Variants in ROCK2 observed in about 807,000 individuals in gnomAD.
ROCK2 encodes the protein Rho associated coiled-coil containing protein kinase 2, also known as rho-associated protein kinase 2.
In ROCK2, 61 loss-of-function variants were observed where a neutral mutation model predicts 195.1. The ratio of observed to expected loss-of-function variants is 0.31; its 90% CI spans 0.25 to 0.39. ROCK2 has a LOEUF of 0.39. ROCK2 is among the 10% of genes least tolerant of loss of function. The pLI, the probability that ROCK2 is intolerant of heterozygous loss-of-function variation, is 1.00. For missense variants in ROCK2, 1,109 were observed against 1,637.4 expected, an observed-to-expected ratio of 0.68 and a Z score of 5.57; for synonymous variants, 504 against 545.5, an observed-to-expected ratio of 0.92 and a Z score of 1.06.
intron 13 of ROCK2, 47 bp from the exon 14 acceptor site, chr2:11,215,692 G>A: frequency 6.7e-7 from 1 of 1,491,066 alleles, no homozygotes; most frequent in East Asian, 2.3e-5. Context: ...GTATAAAAAT[G>A]AAATCAAAAC....
intron 6 of ROCK2, 59 bp downstream of exon 6, chr2:11,227,195 G>T: frequency 1.4e-6 from 2 of 1,428,958 alleles, no homozygotes; most frequent in South Asian, 1.3e-5. Flanking sequence ...TCAAATTCTT[G>T]ACTGAAATAA....
Position 11,221,207 on chromosome 2 carries a change from C to T in ROCK2, c.1250G>A (p.Arg417Lys). Residue 417 changes from arginine to lysine, a missense_variant, in exon 9 of 33, where the codon AGA becomes AAA. This residue lies in a region of ROCK2 where 542 missense variants were observed against 672.0 expected (regional missense o/e 0.81). Coordinates refer to ENST00000315872, the MANE Select transcript of ROCK2 (RefSeq NM_004850.5). ...QLPFIGFTYYRENLLLSDSPS... is the reference protein window; with the variant it reads ...QLPFIGFTYYKENLLLSDSPS... ...ATAATAAACCACATACAAATTTTCT[C>T]TATAGTAGGTAAATCCGATGAAAGG... 1 of 1,561,190 alleles carries T rather than the reference C, an allele frequency of 6.4e-7. No individual in the cohort carries two copies.
chr2:11,188,351 C>T (rs1446375116), intron 32 of ROCK2, among the ~76,000 whole-genome samples: 1 of 151,992 alleles, frequency 6.6e-6, no homozygotes, highest in Admixed American at 6.6e-5. Context: ...CTCAGGTGAT[C>T]CACCTGCCTT....
intron 5 of ROCK2, among the ~76,000 whole-genome samples, chr2:11,233,597 A>T (rs1347905858): frequency 6.6e-6 from 1 of 152,126 alleles, no homozygotes; most frequent in Non-Finnish European, 1.5e-5. Flanking sequence ...CTAGAAATCG[A>T]ACATCCAAGG....
At chr2:11,220,895 C>T (rs1354062354) in intron 9 of ROCK2, among the ~76,000 whole-genome samples, 4 of 152,128 alleles carry the variant, frequency 2.6e-5, no homozygotes, top group Admixed American at 6.5e-5. Context: ...CACATTTTAC[C>T]CTTCTTTATG....
chr2:11,285,335 A>C (rs1040364790), intron 3 of ROCK2, among the ~76,000 whole-genome samples: 15 of 151,810 alleles, frequency 9.9e-5, no homozygotes, highest in African/African-American at 3.6e-4. Flanking sequence ...TCTCTGTCCC[A>C]TGTACCATCC....
At chr2:11,200,318 C>A (rs1663806498) in intron 23 of ROCK2, among the ~76,000 whole-genome samples, 1 of 152,086 alleles carries the variant, frequency 6.6e-6, no homozygotes, top group African/African-American at 2.4e-5. Flanking sequence ...TTTTCATAGT[C>A]CTTAAGATAG....
chr2:11,192,123 TC>T lies in ROCK2; in HGVS notation c.4163+24del. 2 of 1,472,276 alleles carry T rather than the reference TC, an allele frequency of 1.4e-6. No homozygotes were observed. 91.2% of individuals were successfully genotyped at this position (1,472,276 alleles called of 1,614,324 possible). ...AATATTTTAATAGACTTTTTTTTTTTCCTTACCACATTTTAGTTTATTACCT... is the reference window on the plus strand; with the variant it reads ...AATATTTTAATAGACTTTTTTTTTTTCTTACCACATTTTAGTTTATTACCT... On this transcript the variant is annotated intron_variant, in intron 32 of 32. Transcript: ENST00000315872. The surrounding 1 kb of genome is among the most constrained non-coding windows in gnomAD (Gnocchi z 5.0).
chr2:11,195,590 C>CTGCAA (rs1398956589), intron 27 of ROCK2, among the ~76,000 whole-genome samples: 2 of 152,190 alleles, frequency 1.3e-5, no homozygotes, highest in Non-Finnish European at 2.9e-5. Context: ...TCTTGGCTCA[C>CTGCAA]TGCAGGCTGT....
At chr2:11,212,705 A>T (rs559552776) in intron 17 of ROCK2, among the ~76,000 whole-genome samples, 20 of 152,248 alleles carry the variant, frequency 1.3e-4, no homozygotes, top group African/African-American at 3.8e-4. Context: ...CATACAAAAA[A>T]TGATTTCTCA....
intron 3 of ROCK2, among the ~76,000 whole-genome samples, chr2:11,274,856 G>A (rs376690913): frequency 3.3e-5 from 5 of 152,194 alleles, no homozygotes; most frequent in African/African-American, 1.2e-4. Context: ...GTGGTTACCT[G>A]AAACCATGGA....
intron 3 of ROCK2, among the ~76,000 whole-genome samples, chr2:11,282,077 G>T (rs993189485): frequency 5.3e-5 from 8 of 152,204 alleles, no homozygotes; most frequent in African/African-American, 1.9e-4. Context: ...ACAGTCAGGT[G>T]CAGTGGCTCG....
chr2:11,197,361 T>A lies in ROCK2; in HGVS notation c.3280-13A>T. On this transcript the variant is annotated splice_polypyrimidine_tract_variant and intron_variant, in intron 26 of 32. Coordinates refer to ENST00000315872, the MANE Select transcript of ROCK2 (RefSeq NM_004850.5). This position sits in a 1 kb window ranked among gnomAD's most constrained non-coding sequence, Gnocchi z 4.9. ...CTTCAGCTATTTGCTATAAGAAATT[T>A]AATTACAATAAGTTAATTGGATGCA... 6.2e-7 allele frequency: 1 copy of A among 1,607,132 alleles called. No individual in the cohort carries two copies. The highest frequency in any genetic ancestry group is 8.5e-7 in the Non-Finnish European group (1 of 1,176,492).
chr2:11,268,814 T>C (rs1353943874), intron 3 of ROCK2, among the ~76,000 whole-genome samples: 1 of 152,224 alleles, frequency 6.6e-6, no homozygotes, highest in African/African-American at 2.4e-5. Context: ...TGGATATTCA[T>C]GGCTTTCATC....
chr2:11,281,804 A>G (rs1667012301), intron 3 of ROCK2, among the ~76,000 whole-genome samples: 1 of 152,200 alleles, frequency 6.6e-6, no homozygotes, highest in Admixed American at 6.5e-5. Flanking sequence ...CTAAACATGT[A>G]TAAGATCTAT....
At chr2:11,214,293 TAA>T in intron 17 of ROCK2, 62 bp downstream of exon 17, 1 of 898,512 alleles carries the variant, frequency 1.1e-6, no homozygotes, top group East Asian at 2.4e-5. Context: ...TAGTTTAGAA[TAA>T]CTTTTCTAAC....
chr2:11,223,587 G>A (rs1016351354), intron 7 of ROCK2, among the ~76,000 whole-genome samples: 1 of 152,092 alleles, frequency 6.6e-6, no homozygotes, highest in Non-Finnish European at 1.5e-5. Flanking sequence ...CTGTTTTATG[G>A]ATGAGTAAAA....
intron 3 of ROCK2, among the ~76,000 whole-genome samples, chr2:11,256,880 T>C (rs1666054575): frequency 6.6e-6 from 1 of 151,228 alleles, no homozygotes; most frequent in Admixed American, 6.6e-5. Context: ...ATACCTTCAG[T>C]TGGAAATATT....
chr2:11,344,828 C>A (rs537551262), upstream of ROCK2, among the ~76,000 whole-genome samples: 630 of 150,958 alleles, frequency 4.2e-3, 3 homozygotes, highest in African/African-American at 0.014. This position sits in a 1 kb window ranked among gnomAD's most constrained non-coding sequence, Gnocchi z 5.4. Context: ...GCCTCCTCCC[C>A]CTGGCGAGGT....
Sources: allele counts gnomAD v4.1 joint callset (sites outside exome capture counted in the v4.1 genomes callset), GRCh38; gene constraint gnomAD v4.1.1; regional missense constraint gnomAD v4.1.1; non-coding constraint Gnocchi (gnomAD v3.1); transcripts MANE v1.5; gene names NCBI Gene and HGNC (gene_info 2026-07-23, HGNC 2026-07-21).